DNAAF1: variants seen among roughly 807,000 people sequenced by gnomAD.
DNAAF1 encodes the protein dynein axonemal assembly factor 1.
Under a neutral mutation model 71.1 loss-of-function variants are expected in DNAAF1, and 65 were observed. The observed-to-expected ratio is 0.91, with a 90% CI of 0.75 to 1.12. The LOEUF is 1.12. Ranked by LOEUF, DNAAF1 falls within the 50% of genes most tolerant of loss-of-function variation. The probability of loss-of-function intolerance (pLI) is 0.00; values close to 1 mark genes in which losing one functional copy is unlikely to be tolerated. For missense variants in DNAAF1, 1,178 were observed against 899.8 expected (o/e 1.31, Z -3.96); for synonymous variants, 414 against 354.6 (o/e 1.17, Z -1.88).
intron 4 of DNAAF1, 37 bp downstream of exon 4, chr16:84,154,835 T>C (rs765080490): frequency 1.3e-6 from 2 of 1,492,240 alleles, no homozygotes; most frequent in East Asian, 2.3e-5. Context: ...CTGTTTGCCA[T>C]ATGTCCATCA....
rs367740649 is a variant in DNAAF1, at chr16:84,160,932, G to A, written c.863+1136G>A. On this transcript the variant is annotated intron_variant, in intron 6 of 11. Transcript: ENST00000378553. ...AGCCTGGGCAACAGAGCGAGACTCCGTCTCAAAAAAAAAAAAAAAAAGAAA... is the reference window on the plus strand; with the variant it reads ...AGCCTGGGCAACAGAGCGAGACTCCATCTCAAAAAAAAAAAAAAAAAGAAA... Among the ~76,000 whole-genome samples the A allele has an allele frequency of 7.5e-5, 11 of 145,898 alleles. No individual in the cohort carries two copies. In the East Asian group the frequency reaches 1.0e-3, roughly 13 times the overall value.
intron 6 of DNAAF1, among the ~76,000 whole-genome samples, chr16:84,165,042 G>T (rs2087901288): frequency 6.6e-6 from 1 of 152,116 alleles, no homozygotes; most frequent in Non-Finnish European, 1.5e-5. Context: ...AGGCTTATTT[G>T]CCATCTCTAT....
chr16:84,149,368 C>T (rs776505855), intron 2 of DNAAF1, among the ~76,000 whole-genome samples: 1 of 152,126 alleles, frequency 6.6e-6, no homozygotes, highest in Non-Finnish European at 1.5e-5. Context: ...CCTCATGACA[C>T]CATTTAAAGT....
intron 6 of DNAAF1, among the ~76,000 whole-genome samples, chr16:84,160,861 C>T (rs964189354): frequency 2.6e-5 from 4 of 151,118 alleles, no homozygotes; most frequent in Admixed American, 1.3e-4. Context: ...GGCATAAACC[C>T]GGGAGGCAGA....
In DNAAF1 at chr16:84,177,845, T is replaced by C; in HGVS notation, c.*4T>C. 6.2e-7 allele frequency: 1 copy of C among 1,610,556 alleles called. No individual in the cohort carries two copies. The highest frequency in any genetic ancestry group is 8.5e-7 in the Non-Finnish European group (1 of 1,176,822). Reference sequence around the variant, plus strand: ...CCCAGCACCGAAAGCATCATAGTTTTCCCCAGTTATATGTAGCATAAATGG... The same window carrying C: ...CCCAGCACCGAAAGCATCATAGTTTCCCCCAGTTATATGTAGCATAAATGG... On this transcript the variant is annotated 3_prime_UTR_variant, in exon 12 of 12. Transcript: ENST00000378553.
rs200811569 is a variant in DNAAF1, at chr16:84,159,777, C to G, written c.844C>G (p.Pro282Ala). The G allele has an allele frequency of 3.1e-6, 5 of 1,613,874 alleles. No individual in the cohort carries two copies. The highest frequency in any genetic ancestry group is 2.2e-5 in the East Asian group (1 of 44,854). Residue 282 changes from proline to alanine, a missense_variant, in exon 6 of 12, where the codon CCA becomes GCA. By Grantham distance (27) the Pro-to-Ala change is conservative (BLOSUM62 -1). Coordinates refer to ENST00000378553, the MANE Select transcript of DNAAF1 (RefSeq NM_178452.6). ...GCACTTAACATACCTGGATGATAGA[C>G]CAGTGTTTCCAAAGGACAGGTAAGA... is the stretch of plus-strand genomic sequence containing the variant. ...LKHLTYLDDR[P>A]VFPKDRACAE...
At chr16:84,174,358 A>C (rs1162963212) in intron 9 of DNAAF1, 1 of 1,282,016 alleles carries the variant, frequency 7.8e-7, no homozygotes, top group Non-Finnish European at 9.9e-7. Flanking sequence ...TTTGGGTCCC[A>C]TTATTTCCCC....
Position 84,174,608 on chromosome 16 carries a change from T to C in DNAAF1, c.1645-61T>C. 9.9e-6 allele frequency: 16 copies of C among 1,613,822 alleles called. No individual in the cohort carries two copies. The South Asian group carries it at 1.3e-4, about 13-fold the overall frequency. The stretch of plus-strand genomic sequence containing the variant: ...ACTGCGTGTTTGCCTTTATCGTGCC[T>C]ATCAGAACGTTGACAGTGCGTGTAC... On this transcript the variant is annotated intron_variant, in intron 9 of 11. Coordinates refer to ENST00000378553, the MANE Select transcript of DNAAF1 (RefSeq NM_178452.6).
At chr16:84,166,367 T>TCTC (rs2087994163) in intron 7 of DNAAF1, among the ~76,000 whole-genome samples, 1 of 145,730 alleles carries the variant, frequency 6.9e-6, no homozygotes, top group African/African-American at 2.6e-5. Flanking sequence ...ATTTTCTTTT[T>TCTC]TTCTTTTTTT....
At chr16:84,175,579 C>T in intron 10 of DNAAF1, 1 of 309,416 alleles carries the variant, frequency 3.2e-6, no homozygotes, top group Non-Finnish European at 6.2e-6. Flanking sequence ...CTGTGGGGGG[C>T]CTGCTGTCCA....
At chr16:84,148,594 C>CTTTTTTTTTTTTTTTTT (rs2087025255) in intron 1 of DNAAF1, among the ~76,000 whole-genome samples, 3 of 30,058 alleles carry the variant, frequency 1.0e-4, no homozygotes, top group Non-Finnish European at 2.2e-4. Context: ...CTCTCTCTCT[C>CTTTTTTTTTTTTTTTTT]TCTTTTTTTT....
At chr16:84,162,996 C>A (rs777293427) in intron 6 of DNAAF1, among the ~76,000 whole-genome samples, 6 of 152,154 alleles carry the variant, frequency 3.9e-5, no homozygotes, top group Non-Finnish European at 8.8e-5. Flanking sequence ...ACTCAGCATC[C>A]TGTTGTCAAG....
chr16:84,166,363 T>TTTTTCTC, intron 7 of DNAAF1, among the ~76,000 whole-genome samples: 1 of 143,086 alleles, frequency 7.0e-6, no homozygotes, highest in African/African-American at 2.6e-5. Flanking sequence ...TTGGATTTTC[T>TTTTTCTC]TTTTTTCTTT....
chr16:84,146,247 T>C (rs1008969036), intron 1 of DNAAF1, among the ~76,000 whole-genome samples: 4 of 152,216 alleles, frequency 2.6e-5, no homozygotes, highest in African/African-American at 9.6e-5. Context: ...GCTATCACTA[T>C]GTAAGATCAA....
chr16:84,170,313 A>G lies in DNAAF1; in HGVS notation c.1485A>G (p.Pro495=). ...ATCGAGAGCCAGAGGGGACCCTCCC[A>G]GCTGAGGCCCCACCACCACCGCCCC... ...DGDREPEGTL[P]AEAPPPPPLG... Residue 495 remains proline (P), a synonymous_variant, in exon 8 of 12, where the codon CCA becomes CCG. Coordinates refer to ENST00000378553, the MANE Select transcript of DNAAF1 (RefSeq NM_178452.6). 6.2e-7 allele frequency: 1 copy of G among 1,611,912 alleles called. No homozygotes were observed. The highest frequency in any genetic ancestry group is 8.5e-7 in the Non-Finnish European group (1 of 1,179,074).
chr16:84,152,710 T>C lies in DNAAF1; in HGVS notation c.353-1867T>C, dbSNP rs112473429. On this transcript the variant is annotated intron_variant, in intron 3 of 11. Coordinates refer to ENST00000378553, the MANE Select transcript of DNAAF1 (RefSeq NM_178452.6). The stretch of plus-strand genomic sequence containing the variant: ...GGCTCACACCTGTAATCCCAGCACT[T>C]TGGGAGGCCAAGGCAGGTGGATCAC... Among the ~76,000 whole-genome samples, 514 of 150,390 alleles carry C rather than the reference T, an allele frequency of 3.4e-3. 5 individuals carry two copies. The highest frequency in any genetic ancestry group is 0.012 in the African/African-American group (497 of 40,806).
At chr16:84,150,151 T>A in intron 2 of DNAAF1, 100 bp from the exon 3 acceptor site, 1 of 839,498 alleles carries the variant, frequency 1.2e-6, no homozygotes, top group Non-Finnish European at 2.0e-6. Context: ...TAGGATGTTA[T>A]AGAATTTTGG....
chr16:84,146,391 C>A (rs542537582), intron 1 of DNAAF1, among the ~76,000 whole-genome samples: 10 of 152,148 alleles, frequency 6.6e-5, no homozygotes, highest in African/African-American at 2.4e-4. Flanking sequence ...TGTGTGATCC[C>A]CTCACCAAAG....
At chr16:84,171,496 G>A (rs1288752148) in intron 8 of DNAAF1, among the ~76,000 whole-genome samples, 1 of 152,168 alleles carries the variant, frequency 6.6e-6, no homozygotes, top group East Asian at 1.9e-4. Context: ...TAGGGGCCTG[G>A]ATGAGGAAGG....
Sources: allele counts gnomAD v4.1 joint callset (sites outside exome capture counted in the v4.1 genomes callset), GRCh38; gene constraint gnomAD v4.1.1; transcripts MANE v1.5; gene names NCBI Gene and HGNC (gene_info 2026-07-23, HGNC 2026-07-21).